DTNB: variants seen among roughly 807,000 people sequenced by gnomAD.
DTNB encodes the protein DTN-B.
A neutral mutation model predicts 90.7 loss-of-function variants in DTNB; 63 were observed. That is an observed-to-expected ratio of 0.69 (90% CI 0.57 to 0.86). DTNB has a LOEUF of 0.86. Among genes scored for constraint, DTNB ranks in the 40% least tolerant of loss-of-function variants. The pLI is 0.00. For synonymous variants in DTNB, 277 were observed against 286.7 expected, an observed-to-expected ratio of 0.97 and a Z score of 0.34; for missense variants, 744 against 807.1, an observed-to-expected ratio of 0.92 and a Z score of 0.95.
At chr2:25,383,749 G>C (rs763773059) in intron 19 of DTNB, 87 bp downstream of exon 19, 1 of 1,612,636 alleles carries the variant, frequency 6.2e-7, no homozygotes, top group Non-Finnish European at 8.5e-7. Flanking sequence ...TGGTGGCAGG[G>C]AGGAATGCAG....
chr2:25,669,523 T>C (rs2085318762), intron 1 of DTNB, among the ~76,000 whole-genome samples: 1 of 152,058 alleles, frequency 6.6e-6, no homozygotes, highest in Admixed American at 6.5e-5. Flanking sequence ...TTCATAAATA[T>C]GACATTAAAC....
chr2:25,432,809 C>A, intron 14 of DTNB, 77 bp downstream of exon 14: 1 of 1,410,924 alleles, frequency 7.1e-7, no homozygotes. Flanking sequence ...AGATTCTACC[C>A]CACTCCTTTG....
At chr2:25,623,622 A>G (rs1032950025) in intron 4 of DTNB, among the ~76,000 whole-genome samples, 1 of 152,212 alleles carries the variant, frequency 6.6e-6, no homozygotes, top group African/African-American at 2.4e-5. Flanking sequence ...ACCTGGAAGA[A>G]GCAAACACAC....
chr2:25,650,939 C>T (rs1394621198), intron 2 of DTNB, among the ~76,000 whole-genome samples: 1 of 150,650 alleles, frequency 6.6e-6, no homozygotes, highest in Non-Finnish European at 1.5e-5. Context: ...CCCGCCTGGG[C>T]GGCTGAGTGA....
intron 18 of DTNB, among the ~76,000 whole-genome samples, 178 bp from the exon 19 acceptor site, chr2:25,384,067 C>A (rs2038729652): frequency 6.6e-6 from 1 of 152,264 alleles, no homozygotes; most frequent in African/African-American, 2.4e-5. Context: ...CGCCCCAGCA[C>A]TGCTGAATAG....
At chr2:25,521,544 C>A (rs868445912) in intron 9 of DTNB, among the ~76,000 whole-genome samples, 1 of 151,848 alleles carries the variant, frequency 6.6e-6, no homozygotes, top group African/African-American at 2.4e-5. Flanking sequence ...CAACTGTACC[C>A]GCCTAATTTT....
chr2:25,463,706 G>A (rs573389970), intron 10 of DTNB, among the ~76,000 whole-genome samples: 356 of 152,326 alleles, frequency 2.3e-3, no homozygotes, highest in African/African-American at 8.3e-3. Context: ...TAAGTCAATG[G>A]ATGGTAGATG....
intron 8 of DTNB, among the ~76,000 whole-genome samples, chr2:25,551,690 T>C (rs957233728): frequency 1.3e-5 from 2 of 152,260 alleles, no homozygotes; most frequent in Non-Finnish European, 2.9e-5. Context: ...ACTTAATGTC[T>C]TACCATTTCT....
intron 8 of DTNB, among the ~76,000 whole-genome samples, chr2:25,549,439 C>T (rs1232843136): frequency 1.3e-5 from 2 of 152,016 alleles, no homozygotes; most frequent in East Asian, 3.9e-4. Context: ...ATTTTTAATG[C>T]ATACTTAAAA....
intron 9 of DTNB, among the ~76,000 whole-genome samples, chr2:25,529,761 A>G (rs2077803321): frequency 6.6e-6 from 1 of 152,218 alleles, no homozygotes; most frequent in Non-Finnish European, 1.5e-5. Context: ...ATTGCAGCAC[A>G]CTATGTGACT....
intron 3 of DTNB, among the ~76,000 whole-genome samples, chr2:25,638,584 A>G (rs1391046653): frequency 6.6e-6 from 1 of 152,218 alleles, no homozygotes; most frequent in East Asian, 1.9e-4. Context: ...ACTTTATTTT[A>G]TGATCCACAT....
At chr2:25,411,202 T>C (rs575954662) in intron 16 of DTNB, among the ~76,000 whole-genome samples, 12 of 151,896 alleles carry the variant, frequency 7.9e-5, no homozygotes, top group Non-Finnish European at 1.3e-4. Flanking sequence ...CTACTAAAAA[T>C]ACAAAGATTA....
At chr2:25,607,829 C>T (rs183289897) in intron 4 of DTNB, among the ~76,000 whole-genome samples, 5 of 152,278 alleles carry the variant, frequency 3.3e-5, no homozygotes, top group African/African-American at 4.8e-5. Context: ...TATGTTACCA[C>T]GTGTTTATTC....
intron 9 of DTNB, among the ~76,000 whole-genome samples, chr2:25,528,938 T>C (rs1381190195): frequency 6.6e-6 from 1 of 152,190 alleles, no homozygotes; most frequent in African/African-American, 2.4e-5. Context: ...AATGAAAGCT[T>C]TAATACCAGA....
chr2:25,655,624 G>C (rs771448220), intron 1 of DTNB, among the ~76,000 whole-genome samples: 7 of 152,136 alleles, frequency 4.6e-5, no homozygotes, highest in Non-Finnish European at 8.8e-5. Flanking sequence ...CATGCTACTA[G>C]AATGGCTCAT....
chr2:25,474,054 T>C (rs931472607), intron 10 of DTNB, among the ~76,000 whole-genome samples: 6 of 152,206 alleles, frequency 3.9e-5, no homozygotes, highest in Non-Finnish European at 8.8e-5. Context: ...CAAACTAAGG[T>C]ATTTAAGTAT....
rs1226507100 is a variant in DTNB at position 25,485,016 on chromosome 2, T to A, written c.1002-2143A>T. On this transcript the variant is annotated intron_variant, in intron 9 of 20. Coordinates refer to ENST00000406818, the MANE Select transcript of DTNB (RefSeq NM_021907.5). ...AACTGAAACAAGGAGACAATCCCTATGAAAGAACCAAATCCAGCACAACAG... is the reference window on the plus strand; with the variant it reads ...AACTGAAACAAGGAGACAATCCCTAAGAAAGAACCAAATCCAGCACAACAG... Among the ~76,000 whole-genome samples, 4 of 152,292 alleles carry A rather than the reference T, an allele frequency of 2.6e-5. No homozygotes were observed. In the East Asian group the frequency reaches 7.7e-4, roughly 29 times the overall value.
chr2:25,571,470 A>G (rs2059854739), intron 8 of DTNB, among the ~76,000 whole-genome samples: 1 of 152,110 alleles, frequency 6.6e-6, no homozygotes. Flanking sequence ...TCCCCTGCTC[A>G]TTGCATTCTG....
intron 16 of DTNB, among the ~76,000 whole-genome samples, chr2:25,393,365 C>G (rs1481543802): frequency 6.6e-6 from 1 of 152,060 alleles, no homozygotes; most frequent in Non-Finnish European, 1.5e-5. Flanking sequence ...CAACATAGTA[C>G]TGGAAGTCCT....
Sources: gnomAD v4.1 joint callset for allele counts (sites outside exome capture counted in the v4.1 genomes callset) on GRCh38, gnomAD v4.1.1 for gene constraint, MANE v1.5 for transcripts, NCBI Gene and HGNC (gene_info 2026-07-23, HGNC 2026-07-21) for gene names.